Variants in MAF observed in about 807,000 individuals in gnomAD.
The protein encoded by MAF is transcription factor Maf.
MAF carries 10 observed loss-of-function variants against 22.0 expected under a neutral mutation model. The observed-to-expected ratio is 0.45, with a 90% CI of 0.28 to 0.77. MAF has a LOEUF of 0.77. Among genes scored for constraint, MAF ranks in the 30% least tolerant of loss-of-function variants. The pLI, the probability that MAF is intolerant of heterozygous loss-of-function variation, is 0.12. For synonymous variants in MAF, 337 were observed against 255.8 expected (o/e 1.32, Z -3.03); for missense variants, 544 against 548.4 (o/e 0.99, Z 0.08).
the MAF span, among the ~76,000 whole-genome samples, chr16:79,562,209 A>C: frequency 6.6e-6 from 1 of 152,208 alleles, no homozygotes; most frequent in African/African-American, 2.4e-5. Context: ...TTCTGTTCCC[A>C]GTCTTTACGG....
the MAF span, among the ~76,000 whole-genome samples, chr16:79,425,017 AT>A: frequency 6.6e-6 from 1 of 151,826 alleles, no homozygotes; most frequent in Non-Finnish European, 1.5e-5. Context: ...AGAGAAGGTG[AT>A]TTTTTTTGTT....
the MAF span, among the ~76,000 whole-genome samples, chr16:79,416,523 T>G: frequency 6.7e-6 from 1 of 148,590 alleles, no homozygotes; most frequent in Non-Finnish European, 1.5e-5. Context: ...AGATCAGGCA[T>G]TTACTGTGAC....
chr16:79,468,216 G>A, the MAF span, among the ~76,000 whole-genome samples: 2 of 152,160 alleles, frequency 1.3e-5, no homozygotes, highest in Non-Finnish European at 1.5e-5. Context: ...GTGAAATGGG[G>A]TGAGCTCCTG....
chr16:79,515,794 G>A, the MAF span, among the ~76,000 whole-genome samples: 127,146 of 152,026 alleles, frequency 0.84, 53,453 homozygotes, highest in East Asian at 0.92. Flanking sequence ...AAGGAGGTCT[G>A]AGATCCAGTG....
the MAF span, chr16:79,211,854 G>C: frequency 1.1e-4 from 184 of 1,607,584 alleles, no homozygotes; most frequent in African/African-American, 2.3e-3. Flanking sequence ...CCTCACGCAA[G>C]TGCCAGGGCT....
At chr16:79,419,366 A>G in the MAF span, among the ~76,000 whole-genome samples, 2 of 152,216 alleles carry the variant, frequency 1.3e-5, no homozygotes, top group African/African-American at 2.4e-5. Flanking sequence ...ACTCAGCACA[A>G]ATGGACAGAG....
chr16:79,577,565 G>A, the MAF span, among the ~76,000 whole-genome samples: 2 of 152,152 alleles, frequency 1.3e-5, no homozygotes, highest in African/African-American at 4.8e-5. Flanking sequence ...AGCCCATGGA[G>A]GTTTTGGGTG....
the MAF span, chr16:79,264,446 A>G: frequency 6.6e-6 from 1 of 152,216 alleles, no homozygotes; most frequent in Non-Finnish European, 1.5e-5. Context: ...CCCTGAGAAC[A>G]CAGCAGAGTC....
the MAF span, among the ~76,000 whole-genome samples, chr16:79,570,489 C>G: frequency 6.6e-6 from 1 of 152,300 alleles, no homozygotes; most frequent in East Asian, 1.9e-4. Flanking sequence ...ACATCTCCAG[C>G]CCACAGCCAT....
At chr16:79,541,562 A>C in the MAF span, among the ~76,000 whole-genome samples, 38 of 152,074 alleles carry the variant, frequency 2.5e-4, no homozygotes, top group Non-Finnish European at 4.9e-4. Flanking sequence ...GACAATACGT[A>C]ATATGGCCAA....
chr16:79,496,651 C>G, the MAF span, among the ~76,000 whole-genome samples: 1 of 152,142 alleles, frequency 6.6e-6, no homozygotes, highest in Non-Finnish European at 1.5e-5. Context: ...GGAGGGAGTT[C>G]ACATAAGGAA....
chr16:79,526,417 T>C, the MAF span, among the ~76,000 whole-genome samples: 1 of 152,102 alleles, frequency 6.6e-6, no homozygotes, highest in Non-Finnish European at 1.5e-5. Flanking sequence ...ATGGGAGTGA[T>C]GGGGAGTGGC....
chr16:79,450,126 C>T, the MAF span, among the ~76,000 whole-genome samples: 1 of 152,166 alleles, frequency 6.6e-6, no homozygotes, highest in East Asian at 1.9e-4. Flanking sequence ...TACATCAGCT[C>T]TCCTAAAATC....
chr16:79,296,015 G>A, the MAF span, among the ~76,000 whole-genome samples: 1 of 152,232 alleles, frequency 6.6e-6, no homozygotes, highest in Non-Finnish European at 1.5e-5. Flanking sequence ...GGGTGGGGCT[G>A]TCCCCCTCTG....
chr16:79,210,105 A>G, the MAF span, among the ~76,000 whole-genome samples: 3 of 152,334 alleles, frequency 2.0e-5, no homozygotes, highest in East Asian at 3.9e-4. Context: ...AGTTATTATC[A>G]AAACCCAAGT....
At chr16:79,406,903 G>A in the MAF span, among the ~76,000 whole-genome samples, 1 of 152,160 alleles carries the variant, frequency 6.6e-6, no homozygotes, top group Non-Finnish European at 1.5e-5. Context: ...ACATCCCAGA[G>A]CCAGTAGGGG....
chr16:79,271,256 G>A, the MAF span, among the ~76,000 whole-genome samples: 1 of 152,028 alleles, frequency 6.6e-6, no homozygotes, highest in African/African-American at 2.4e-5. Flanking sequence ...TAGGGCCCTA[G>A]CTCACTGTTT....
the MAF span, among the ~76,000 whole-genome samples, chr16:79,294,441 T>G: frequency 6.6e-6 from 1 of 152,146 alleles, no homozygotes; most frequent in African/African-American, 2.4e-5. Context: ...GTGGGCTACC[T>G]TGGGTCAGTC....
chr16:79,564,711 T>C, the MAF span, among the ~76,000 whole-genome samples: 3 of 152,160 alleles, frequency 2.0e-5, no homozygotes, highest in African/African-American at 4.8e-5. Flanking sequence ...AGTGTGGCTG[T>C]GGGGAAATCT....
Sources: gnomAD v4.1 joint callset for allele counts (sites outside exome capture counted in the v4.1 genomes callset) on GRCh38, gnomAD v4.1.1 for gene constraint, MANE v1.5 for transcripts, NCBI Gene and HGNC (gene_info 2026-07-23, HGNC 2026-07-21) for gene names.